AGBL3: variants seen among roughly 807,000 people sequenced by gnomAD.
AGBL3 encodes the protein AGBL carboxypeptidase 3, also known as cytosolic carboxypeptidase 3.
AGBL3 carries 68 observed loss-of-function variants against 94.5 expected under a neutral mutation model. That is an observed-to-expected ratio of 0.72 (90% confidence interval 0.59 to 0.88). The LOEUF (loss-of-function observed/expected upper bound fraction) is 0.88, where lower values mean the gene tolerates loss of function less well. AGBL3 is among the 40% of genes least tolerant of loss of function. The probability of loss-of-function intolerance (pLI) is 0.00; values close to 1 mark genes in which losing one functional copy is unlikely to be tolerated. For synonymous variants in AGBL3, 354 were observed against 370.7 expected, an observed-to-expected ratio of 0.95 and a Z score of 0.52; for missense variants, 934 against 1,103.8, an observed-to-expected ratio of 0.85 and a Z score of 2.18.
In AGBL3 at chr7:135,021,538, C is replaced by T. The variant is rs184117717; in HGVS notation, c.418+4379C>T. 2.0e-3 allele frequency among the ~76,000 whole-genome samples: 302 copies of T among 152,020 alleles called. 2 individuals carry two copies. The highest frequency in any genetic ancestry group is 6.3e-3 in the African/African-American group (260 of 41,456). On this transcript the variant is annotated intron_variant, in intron 5 of 16. Transcript: ENST00000436302. Reference sequence around the variant, plus strand: ...CGATCTCCTGACCTTGTGATCCGCCCGCCTCAGCCTCCCAAAGTGCTGGGA... The same window carrying T: ...CGATCTCCTGACCTTGTGATCCGCCTGCCTCAGCCTCCCAAAGTGCTGGGA...
At chr7:135,039,116 T>C (rs1231826765) in intron 8 of AGBL3, among the ~76,000 whole-genome samples, 3 of 152,196 alleles carry the variant, frequency 2.0e-5, no homozygotes, top group Non-Finnish European at 2.9e-5. Context: ...AGAATACACA[T>C]TATATTCAAA....
intron 12 of AGBL3, among the ~76,000 whole-genome samples, chr7:135,062,429 G>A (rs1244553782): frequency 3.3e-5 from 5 of 152,104 alleles, no homozygotes; most frequent in Non-Finnish European, 7.4e-5. Context: ...GGGCATCATT[G>A]TCTTGTTCCT....
intron 12 of AGBL3, among the ~76,000 whole-genome samples, chr7:135,070,520 A>T (rs1460669205): frequency 6.6e-6 from 1 of 152,228 alleles, no homozygotes; most frequent in African/African-American, 2.4e-5. Flanking sequence ...CAAAAAGCTT[A>T]TCCACCATAA....
chr7:135,134,729 A>G, intron 16 of AGBL3, 112 bp from the exon 17 acceptor site: 1 of 995,722 alleles, frequency 1.0e-6, no homozygotes, highest in Non-Finnish European at 1.4e-6. Context: ...AAACTTTAAG[A>G]AGTTATGAAC....
At chr7:135,089,603 A>C (rs1328254618) in intron 15 of AGBL3, among the ~76,000 whole-genome samples, 1 of 152,174 alleles carries the variant, frequency 6.6e-6, no homozygotes, top group Non-Finnish European at 1.5e-5. Context: ...AGTCTCCATG[A>C]AGTTTTGTCT....
Position 134,987,861 on chromosome 7 carries a change from T to C in AGBL3, c.-59-14T>C, listed in dbSNP as rs938163052. 2.1e-5 allele frequency: 23 copies of C among 1,109,514 alleles called. 1 individual carries two copies. The Middle Eastern group carries it at 5.8e-4, about 28-fold the overall frequency. 68.7% of individuals were successfully genotyped at this position (1,109,514 alleles called of 1,614,324 possible). ...TACAGCTTGAAAAGAAAAGCTGTCATATAATTTCCTTAGAAATTGTTTTAC... is the reference window on the plus strand; with the variant it reads ...TACAGCTTGAAAAGAAAAGCTGTCACATAATTTCCTTAGAAATTGTTTTAC... On this transcript the variant is annotated splice_polypyrimidine_tract_variant and intron_variant, in intron 1 of 16. Coordinates refer to ENST00000436302, the MANE Select transcript of AGBL3 (RefSeq NM_178563.4).
intron 4 of AGBL3, among the ~76,000 whole-genome samples, chr7:135,003,087 G>A (rs928903701): frequency 4.6e-5 from 7 of 151,734 alleles, no homozygotes; most frequent in African/African-American, 1.7e-4. Context: ...TGATTTCTGG[G>A]GTTTTGAAAT....
At chr7:135,055,112 TA>T (rs1451434177) in intron 11 of AGBL3, among the ~76,000 whole-genome samples, 1 of 152,136 alleles carries the variant, frequency 6.6e-6, no homozygotes, top group African/African-American at 2.4e-5. Flanking sequence ...TCACCACAAC[TA>T]ATCCAGTCTC....
intron 15 of AGBL3, among the ~76,000 whole-genome samples, chr7:135,108,403 G>A (rs963495369): frequency 1.3e-5 from 2 of 152,084 alleles, no homozygotes; most frequent in African/African-American, 4.8e-5. Context: ...TGGGTCTGGT[G>A]GTAATGAACT....
intron 16 of AGBL3, among the ~76,000 whole-genome samples, chr7:135,123,428 C>T (rs190657243): frequency 6.6e-6 from 1 of 152,096 alleles, no homozygotes; most frequent in Non-Finnish European, 1.5e-5. Flanking sequence ...ATCAGAGTAC[C>T]TGAGGGAGAC....
chr7:135,040,230 T>C (rs1816714867), intron 8 of AGBL3, among the ~76,000 whole-genome samples: 1 of 152,076 alleles, frequency 6.6e-6, no homozygotes. Flanking sequence ...CAAGATCCAG[T>C]TGGATTCACT....
chr7:135,051,060 T>C (rs905630878), intron 11 of AGBL3: 2 of 438,680 alleles, frequency 4.6e-6, no homozygotes, highest in Admixed American at 2.6e-5. Flanking sequence ...AAAAGCAGTA[T>C]AATAAAAGGT....
intron 15 of AGBL3, chr7:135,094,604 T>G (rs1278763325): frequency 4.4e-6 from 2 of 450,802 alleles, no homozygotes; most frequent in African/African-American, 4.0e-5. Flanking sequence ...AGAAGAAGAG[T>G]AAACATTGTG....
chr7:135,090,867 G>C lies in AGBL3; in HGVS notation c.2110+9077G>C, dbSNP rs141206596. Among the ~76,000 whole-genome samples, 4 of 152,264 alleles carry C rather than the reference G, an allele frequency of 2.6e-5. No homozygotes were observed. The East Asian group carries it at 7.7e-4, about 29-fold the overall frequency. On this transcript the variant is annotated intron_variant, in intron 15 of 16. Transcript: ENST00000436302. ...CCTGGGGTGTTTCCATAGCAGCCTA[G>C]TCTCAGGGATGAAGGGGAGCTATAG...
intron 7 of AGBL3, 127 bp downstream of exon 7, chr7:135,035,055 T>G: frequency 2.3e-6 from 2 of 852,546 alleles, no homozygotes; most frequent in Non-Finnish European, 3.3e-6. Context: ...AACTACTTTA[T>G]TTTTTCCCCG....
At chr7:135,121,925 C>T (rs1056078071) in intron 16 of AGBL3, among the ~76,000 whole-genome samples, 11 of 152,338 alleles carry the variant, frequency 7.2e-5, no homozygotes, top group Admixed American at 4.6e-4. Context: ...ATCCCACTCA[C>T]GACCCACGCC....
intron 11 of AGBL3, among the ~76,000 whole-genome samples, chr7:135,056,124 G>T (rs567591220): frequency 1.3e-5 from 2 of 152,072 alleles, no homozygotes; most frequent in East Asian, 3.9e-4. Flanking sequence ...TTTTATTTCT[G>T]ATGTTAGCAA....
chr7:135,115,459 TG>T lies in AGBL3; in HGVS notation c.2191del (p.Asp731MetfsTer11), dbSNP rs751209446. 5.7e-4 allele frequency: 881 copies of T among 1,551,234 alleles called. No individual in the cohort carries two copies. Among genetic ancestry groups the T allele is most frequent in the Non-Finnish European group, 7.4e-4 (850 of 1,146,772 alleles). On this transcript the variant is annotated frameshift_variant, in exon 16 of 17. Transcript: ENST00000436302. LOFTEE classifies it high-confidence loss of function. The part of the protein sequence containing the change: ...SKKTGINWTD[D>X]EKRSYKDKGI... ...AGAAGACTGGCATAAATTGGACAGATGATGAAAAAAGAAGCTACAAGGATAA... is the reference window on the plus strand; with the variant it reads ...AGAAGACTGGCATAAATTGGACAGATATGAAAAAAGAAGCTACAAGGATAA...
chr7:135,014,535 A>C (rs1192823010), intron 4 of AGBL3, among the ~76,000 whole-genome samples: 2 of 152,344 alleles, frequency 1.3e-5, no homozygotes, highest in African/African-American at 4.8e-5. Context: ...AAAGATACAC[A>C]AAATGGAATA....
Sources: allele counts gnomAD v4.1 joint callset (sites outside exome capture counted in the v4.1 genomes callset), GRCh38; gene constraint gnomAD v4.1.1; transcripts MANE v1.5; gene names NCBI Gene and HGNC (gene_info 2026-07-23, HGNC 2026-07-21).